ADPRHL1: variants seen among roughly 807,000 people sequenced by gnomAD.
ADPRHL1 encodes the protein ADP-ribosylhydrolase like 1.
A neutral mutation model predicts 44.1 loss-of-function variants in ADPRHL1; 43 were observed. That is an observed-to-expected ratio of 0.98 (90% CI 0.76 to 1.26). The LOEUF is 1.26. ADPRHL1 is among the 50% of genes most tolerant of loss of function. ADPRHL1 has a pLI of 0.00. For missense variants in ADPRHL1, 2,022 were observed against 2,496.9 expected (o/e 0.81, Z 4.05); for synonymous variants, 878 against 1,017.4 (o/e 0.86, Z 2.61).
At chr13:113,446,152 C>T in intron 1 of ADPRHL1, among the ~76,000 whole-genome samples, 1 of 109,188 alleles carries the variant, frequency 9.2e-6, no homozygotes, top group Non-Finnish European at 1.9e-5. Context: ...CCCCAGAGAG[C>T]ACGCAGGGCC....
In ADPRHL1 at chr13:113,441,911, C is replaced by T. The variant is rs1418230093; in HGVS notation, c.379+2514G>A. Among the ~76,000 whole-genome samples, 2 of 152,238 alleles carry T rather than the reference C, an allele frequency of 1.3e-5. No individual in the cohort carries two copies. Among genetic ancestry groups the T allele is most frequent in the Admixed American group, 1.3e-4 (2 of 15,278 alleles). ...TGTGTGTGAGTCTGTGTCTCTATCA[C>T]GCTTTACTCCACCGTGCTGGTCCGT... On this transcript the variant is annotated intron_variant, in intron 2 of 7. Coordinates refer to ENST00000612156, the MANE Select transcript of ADPRHL1 (RefSeq NM_001394807.1). The surrounding 1 kb of genome is among the most constrained non-coding windows in gnomAD (Gnocchi z 6.0).
intron 4 of ADPRHL1, among the ~76,000 whole-genome samples, chr13:113,428,079 C>T (rs1367821963): frequency 6.6e-6 from 1 of 152,102 alleles, no homozygotes; most frequent in East Asian, 1.9e-4. Flanking sequence ...CCCGTCTCTA[C>T]TAAAAATACA....
Position 113,407,537 on chromosome 13 carries a change from C to T in ADPRHL1, c.1745G>A (p.Arg582Lys). 4.9e-6 allele frequency: 6 copies of T among 1,232,262 alleles called. No individual in the cohort carries two copies. Among genetic ancestry groups the T allele is most frequent in the Non-Finnish European group, 6.1e-6 (6 of 988,102 alleles). The allele number at this position is 1,232,262 out of a possible 1,614,324, so 76.3% of individuals were successfully genotyped here. Residue 582 changes from arginine (R) to lysine (K), a missense_variant, in exon 8 of 8, where the codon AGG becomes AAG. Around this residue, in one of 8 missense-constraint regions of ADPRHL1, gnomAD observed 1,221 missense variants for 1,517.8 expected, o/e 0.80. Coordinates refer to ENST00000612156, the MANE Select transcript of ADPRHL1 (RefSeq NM_001394807.1). ...CACCTCCGGCCGGTGCATCCTCTTC[C>T]TCTGCAGGTTCCTCTTCTTCCGCTC... ...TQERKKRNLQ[R>K]KRMHRPEVRV...
At chr13:113,439,544 T>G (rs902496476) in intron 2 of ADPRHL1, among the ~76,000 whole-genome samples, 2 of 151,616 alleles carry the variant, frequency 1.3e-5, no homozygotes, top group African/African-American at 4.9e-5. Context: ...ACCTCCTGGG[T>G]TCAAGCAATT....
intron 4 of ADPRHL1, among the ~76,000 whole-genome samples, chr13:113,428,653 C>T (rs895240839): frequency 3.9e-5 from 6 of 152,254 alleles, no homozygotes; most frequent in Non-Finnish European, 5.9e-5. Context: ...CGCTTGGTGC[C>T]GCGGGCTGGG....
chr13:113,412,567 A>C (rs975298547), intron 7 of ADPRHL1, among the ~76,000 whole-genome samples: 16 of 152,242 alleles, frequency 1.1e-4, no homozygotes, highest in Non-Finnish European at 1.9e-4. Flanking sequence ...GAGCCCCTGC[A>C]TGGGCGGGAC....
chr13:113,451,118 G>A (rs904251507), intron 1 of ADPRHL1, among the ~76,000 whole-genome samples: 2 of 152,154 alleles, frequency 1.3e-5, no homozygotes, highest in South Asian at 2.1e-4. Context: ...CAGAAGGCTC[G>A]CACTCTTGTC....
At chr13:113,439,163 C>A (rs1013242220) in intron 2 of ADPRHL1, among the ~76,000 whole-genome samples, 1 of 152,032 alleles carries the variant, frequency 6.6e-6, no homozygotes, top group Admixed American at 6.6e-5. Flanking sequence ...GACTCTGTTG[C>A]CCAGGCTGGA....
At chr13:113,431,880 T>C (rs555790356) in intron 3 of ADPRHL1, among the ~76,000 whole-genome samples, 1 of 152,178 alleles carries the variant, frequency 6.6e-6, no homozygotes, top group Middle Eastern at 3.4e-3. Flanking sequence ...CGTGCCCAGC[T>C]AATTTTTGTA....
chr13:113,434,983 T>A, intron 2 of ADPRHL1, among the ~76,000 whole-genome samples: 1 of 67,058 alleles, frequency 1.5e-5, no homozygotes, highest in East Asian at 3.9e-4. Flanking sequence ...GGCACCCAGG[T>A]GTAGAGTGAA....
At position 113,441,819 on chromosome 13, in the gene ADPRHL1, T is replaced by C. The variant is rs1566480788; in HGVS notation, c.379+2606A>G. On this transcript the variant is annotated intron_variant, in intron 2 of 7. Transcript: ENST00000612156. The surrounding 1 kb of genome is among the most constrained non-coding windows in gnomAD (Gnocchi z 6.0). ...ATCACGCTTTACTCCACCACACGGG[T>C]CCGTGTCTCTGTCACGTTGTGTCCC... is the stretch of plus-strand genomic sequence containing the variant. 6.6e-6 allele frequency among the ~76,000 whole-genome samples: 1 copy of C among 152,158 alleles called. No individual in the cohort carries two copies. Among genetic ancestry groups the C allele is most frequent in the Admixed American group, 6.5e-5 (1 of 15,276 alleles).
At chr13:113,429,559 C>G (rs2043992594) in intron 3 of ADPRHL1, among the ~76,000 whole-genome samples, 2 of 152,270 alleles carry the variant, frequency 1.3e-5, no homozygotes, top group Admixed American at 6.5e-5. Flanking sequence ...TGCCCGTCAT[C>G]TGTGTGTGGA....
In ADPRHL1 at chr13:113,413,477, G is replaced by A. The variant is rs539415790; in HGVS notation, c.1062-5257C>T. The stretch of plus-strand genomic sequence containing the variant: ...CGCCCCCAAGTCATGGACTGAGAGG[G>A]GGGCCCAGGACTTTCGGCGACTCCC... On this transcript the variant is annotated intron_variant, in intron 7 of 7. Transcript: ENST00000612156. Among the ~76,000 whole-genome samples, 9 of 152,378 alleles carry A rather than the reference G, an allele frequency of 5.9e-5. No individual in the cohort carries two copies. The East Asian group carries it at 1.7e-3, about 29-fold the overall frequency.
At chr13:113,427,190 T>C (rs1241811313) in intron 4 of ADPRHL1, among the ~76,000 whole-genome samples, 1 of 152,264 alleles carries the variant, frequency 6.6e-6, no homozygotes, top group African/African-American at 2.4e-5. Flanking sequence ...GCTGGTTAGA[T>C]AATTCCAACT....
intron 1 of ADPRHL1, among the ~76,000 whole-genome samples, chr13:113,450,621 C>G (rs2044171813): frequency 6.6e-6 from 1 of 152,172 alleles, no homozygotes; most frequent in East Asian, 1.9e-4. Context: ...GGTCACGTGT[C>G]CACTGGACAG....
At chr13:113,418,537 C>T (rs751615862) in intron 7 of ADPRHL1, among the ~76,000 whole-genome samples, 28 of 152,174 alleles carry the variant, frequency 1.8e-4, no homozygotes, top group Non-Finnish European at 3.4e-4. Flanking sequence ...TTTGGGAAAA[C>T]GGATTCATCT....
intron 2 of ADPRHL1, among the ~76,000 whole-genome samples, chr13:113,435,962 C>T (rs1487508814): frequency 1.4e-5 from 2 of 142,360 alleles, no homozygotes; most frequent in African/African-American, 5.3e-5. Flanking sequence ...AGGGTGAATA[C>T]AGGTGTACCC....
intron 7 of ADPRHL1, chr13:113,410,135 G>C: frequency 4.1e-6 from 4 of 985,380 alleles, no homozygotes; most frequent in Non-Finnish European, 4.8e-6. Flanking sequence ...CCAGGGCCAG[G>C]ACGGACCCCA....
rs1252297396 is a variant in ADPRHL1 at position 113,422,975 on chromosome 13, C to G, written c.912G>C (p.Glu304Asp). Residue 304 changes from glutamate to aspartate, a missense_variant, in exon 7 of 8, where the codon GAG becomes GAC. Glu to Asp is a conservative substitution (Grantham distance 45). Transcript: ENST00000612156. ...LCHRAMFHGG[E>D]SAATGTIAGC... ...CTGCAATGGTGCCCGTGGCCGCGCTCTCCCCTGAAACGCAAAGGCAGCAGT... is the reference window on the plus strand; with the variant it reads ...CTGCAATGGTGCCCGTGGCCGCGCTGTCCCCTGAAACGCAAAGGCAGCAGT... 3 of 1,612,786 alleles carry G rather than the reference C, an allele frequency of 1.9e-6. No individual in the cohort carries two copies. The highest frequency in any genetic ancestry group is 2.5e-6 in the Non-Finnish European group (3 of 1,179,958).
Sources: gnomAD v4.1 joint callset for allele counts (sites outside exome capture counted in the v4.1 genomes callset) on GRCh38, gnomAD v4.1.1 for gene constraint, gnomAD v4.1.1 regional missense constraint, Gnocchi (gnomAD v3.1) non-coding constraint, MANE v1.5 for transcripts, NCBI Gene and HGNC (gene_info 2026-07-23, HGNC 2026-07-21) for gene names.